Variants in UMAD1 observed in about 807,000 individuals in gnomAD.
UMAD1 encodes UBAP1-MVB12-associated (UMA) domain containing 1.
UMAD1 carries 8 observed loss-of-function variants against 6.1 expected under a neutral mutation model. The ratio of observed to expected loss-of-function variants is 1.30; its 90% CI spans 0.76 to 2.35. The LOEUF is 2.35. UMAD1 is among the 30% of genes most tolerant of loss of function. The probability of loss-of-function intolerance (pLI) is 0.00; values close to 1 mark genes in which losing one functional copy is unlikely to be tolerated. For missense variants in UMAD1, 130 were observed against 78.4 expected, an observed-to-expected ratio of 1.66 and a Z score of -2.49; for synonymous variants, 56 against 31.4, an observed-to-expected ratio of 1.78 and a Z score of -2.61.
chr7:7,819,656 T>C (rs1414030219), intron 3 of UMAD1, among the ~76,000 whole-genome samples: 1 of 152,222 alleles, frequency 6.6e-6, no homozygotes, highest in African/African-American at 2.4e-5. Context: ...TTAGTTTTGC[T>C]CTGAAAGAAA....
At chr7:7,822,393 C>T (rs184301525) in intron 3 of UMAD1, among the ~76,000 whole-genome samples, 4 of 152,090 alleles carry the variant, frequency 2.6e-5, no homozygotes, top group Admixed American at 1.3e-4. Flanking sequence ...AAAAACAACC[C>T]GAGCCTGGTC....
At chr7:7,700,779 T>C (rs931275190) in intron 2 of UMAD1, among the ~76,000 whole-genome samples, 2 of 151,574 alleles carry the variant, frequency 1.3e-5, no homozygotes, top group Non-Finnish European at 2.9e-5. Context: ...TCAAAGCTAC[T>C]CGGGAGGCTG....
chr7:7,785,019 G>T (rs1318896887), intron 2 of UMAD1, among the ~76,000 whole-genome samples: 1 of 152,102 alleles, frequency 6.6e-6, no homozygotes, highest in Non-Finnish European at 1.5e-5. Context: ...TGGAGATTTC[G>T]TGGCATGTGT....
chr7:7,751,358 A>G (rs1268952964), intron 2 of UMAD1, among the ~76,000 whole-genome samples: 2 of 152,246 alleles, frequency 1.3e-5, no homozygotes, highest in Non-Finnish European at 2.9e-5. Flanking sequence ...GAGAGAGACT[A>G]GATGTGCCAA....
At chr7:7,751,296 G>C (rs1781673347) in intron 2 of UMAD1, among the ~76,000 whole-genome samples, 1 of 152,168 alleles carries the variant, frequency 6.6e-6, no homozygotes, top group Admixed American at 6.5e-5. Flanking sequence ...AAAACTTTTA[G>C]AGTTGGTATG....
chr7:7,680,898 C>T (rs1012624773), intron 2 of UMAD1, among the ~76,000 whole-genome samples: 9 of 151,318 alleles, frequency 5.9e-5, no homozygotes, highest in African/African-American at 1.5e-4. Context: ...TTTTGTATGC[C>T]GTAACCTTAC....
At chr7:7,659,283 G>A (rs1239677352) in intron 1 of UMAD1, among the ~76,000 whole-genome samples, 1 of 152,036 alleles carries the variant, frequency 6.6e-6, no homozygotes, top group African/African-American at 2.4e-5. Flanking sequence ...TTTTCGAAGG[G>A]TTTTTCATGT....
At chr7:7,779,831 A>C (rs1405902069) in intron 2 of UMAD1, among the ~76,000 whole-genome samples, 1 of 152,078 alleles carries the variant, frequency 6.6e-6, no homozygotes, top group African/African-American at 2.4e-5. Context: ...TTTTGTAGAG[A>C]CGGGATTTTA....
At chr7:7,712,568 C>T (rs1459058591) in intron 2 of UMAD1, among the ~76,000 whole-genome samples, 1 of 152,098 alleles carries the variant, frequency 6.6e-6, no homozygotes, top group Non-Finnish European at 1.5e-5. Context: ...ATTTACTTCC[C>T]ATAATTCATC....
intron 3 of UMAD1, among the ~76,000 whole-genome samples, chr7:7,838,240 T>A (rs1269375253): frequency 6.6e-6 from 1 of 151,908 alleles, no homozygotes; most frequent in Non-Finnish European, 1.5e-5. Context: ...CATACTTAGC[T>A]CATTGGGCCA....
intron 3 of UMAD1, among the ~76,000 whole-genome samples, chr7:7,827,147 A>ATGTGTG (rs60211625): frequency 3.7e-5 from 5 of 134,148 alleles, no homozygotes; most frequent in Admixed American, 7.5e-5. Context: ...ATATATATAT[A>ATGTGTG]TGTGTGTGTG....
At chr7:7,838,510 T>C (rs534173413) in intron 3 of UMAD1, among the ~76,000 whole-genome samples, 3 of 152,296 alleles carry the variant, frequency 2.0e-5, no homozygotes, top group African/African-American at 7.2e-5. Context: ...TCCAGTCAAC[T>C]AATACAATTA....
At chr7:7,849,418 A>T (rs999356293) in intron 3 of UMAD1, among the ~76,000 whole-genome samples, 7 of 152,168 alleles carry the variant, frequency 4.6e-5, no homozygotes, top group Non-Finnish European at 8.8e-5. Flanking sequence ...TCACTATAAA[A>T]GTAGTTGTAG....
At chr7:7,690,688 G>C (rs1265361565) in intron 2 of UMAD1, among the ~76,000 whole-genome samples, 1 of 151,960 alleles carries the variant, frequency 6.6e-6, no homozygotes, top group Non-Finnish European at 1.5e-5. Flanking sequence ...AAATTCTTTT[G>C]TTTTTGCTAA....
intron 2 of UMAD1, among the ~76,000 whole-genome samples, chr7:7,703,552 A>T (rs1355130698): frequency 6.6e-6 from 1 of 152,218 alleles, no homozygotes; most frequent in African/African-American, 2.4e-5. Flanking sequence ...GTCCTGACTC[A>T]GGTTTCAGAC....
chr7:7,827,122 GAT>G (rs112036833), intron 3 of UMAD1, among the ~76,000 whole-genome samples: 12,157 of 140,090 alleles, frequency 0.087, 676 homozygotes, highest in East Asian at 0.24. Context: ...CACAGTCCAG[GAT>G]ATATATATAT....
chr7:7,769,929 A>G lies in UMAD1; in HGVS notation c.83-31741A>G, dbSNP rs541725485. 2.0e-5 allele frequency among the ~76,000 whole-genome samples: 3 copies of G among 152,234 alleles called. No individual in the cohort carries two copies. In the South Asian group the frequency reaches 6.2e-4, roughly 32 times the overall value. On this transcript the variant is annotated intron_variant, in intron 2 of 3. Transcript: ENST00000682710. ...CTCCTGCTCACCACCTTTGCAACCA[A>G]CTTTCCTCTCACTGTGCTGATTGTC... is the stretch of plus-strand genomic sequence containing the variant.
chr7:7,683,061 A>G (rs148301815), intron 2 of UMAD1, among the ~76,000 whole-genome samples: 1 of 152,304 alleles, frequency 6.6e-6, no homozygotes, highest in East Asian at 1.9e-4. Flanking sequence ...TTGAATGTAC[A>G]GTGAAAGGCA....
intron 2 of UMAD1, among the ~76,000 whole-genome samples, chr7:7,777,389 C>G (rs1237554864): frequency 6.6e-6 from 1 of 150,718 alleles, no homozygotes; most frequent in Non-Finnish European, 1.5e-5. Context: ...GCCTGTAATC[C>G]CAGCTACTCG....
Sources: allele counts gnomAD v4.1 joint callset (sites outside exome capture counted in the v4.1 genomes callset), GRCh38; gene constraint gnomAD v4.1.1; transcripts MANE v1.5; gene names NCBI Gene and HGNC (gene_info 2026-07-23, HGNC 2026-07-21).